PACS2: variants seen among roughly 807,000 people sequenced by gnomAD.
The protein encoded by PACS2 is PACS1-like protein.
PACS2 carries 36 observed loss-of-function variants against 113.0 expected under a neutral mutation model. That is an observed-to-expected ratio of 0.32 (90% CI 0.24 to 0.42). PACS2 has a LOEUF of 0.42. Ranked by LOEUF, PACS2 falls within the 10% of genes least tolerant of loss-of-function variation. PACS2 has a pLI of 1.00. For synonymous variants in PACS2, 589 were observed against 536.1 expected (o/e 1.10, Z -1.36); for missense variants, 1,015 against 1,239.5 (o/e 0.82, Z 2.72).
intron 24 of PACS2, 71 bp downstream of exon 24, chr14:105,393,406 C>T (rs587674736): frequency 1.1e-5 from 11 of 1,028,484 alleles, no homozygotes; most frequent in Non-Finnish European, 1.3e-5. Context: ...GCTTTGGAGC[C>T]CAGCCTAGGA....
At chr14:105,345,133 G>A (rs945916104) in intron 1 of PACS2, among the ~76,000 whole-genome samples, 2 of 150,876 alleles carry the variant, frequency 1.3e-5, no homozygotes, top group Admixed American at 6.6e-5. Flanking sequence ...CTGGCTGGGC[G>A]CAGTGGCTCA....
Position 105,348,372 on chromosome 14 carries a change from T to C in PACS2, c.120-121T>C, listed in dbSNP as rs1383683592. The C allele has an allele frequency of 3.6e-5, 25 of 690,128 alleles. No individual in the cohort carries two copies. In the East Asian group the frequency reaches 5.2e-4, roughly 14 times the overall value. 42.8% of individuals were successfully genotyped at this position (690,128 alleles called of 1,614,324 possible). A position where few individuals can be genotyped will look rare whatever the true frequency, so the allele number is the denominator to read the frequency against. On this transcript the variant is annotated intron_variant, in intron 1 of 24. Transcript: ENST00000447393. This position sits in a 1 kb window ranked among gnomAD's most constrained non-coding sequence, Gnocchi z 6.4. ...TGAGGTCCTGGGGCCGCCCAGGCAG[T>C]CACACCCCGCCCTGCACCCCAGGGT...
At position 105,385,921 on chromosome 14, in the gene PACS2, C is replaced by G. The variant is rs587708125; in HGVS notation, c.2033+204C>G. On this transcript the variant is annotated intron_variant, in intron 19 of 24. Coordinates refer to ENST00000447393, the MANE Select transcript of PACS2 (RefSeq NM_001100913.3). ...CGAGTCACTTTTTGCTGACGTGGAC[C>G]CTTTTCCTCCATCCGATCTCTGACA... is the stretch of plus-strand genomic sequence containing the variant. 1.2e-3 allele frequency among the ~76,000 whole-genome samples: 178 copies of G among 152,302 alleles called. 2 individuals are homozygous for G. The highest frequency in any genetic ancestry group is 1.8e-3 in the Non-Finnish European group (123 of 68,024).
chr14:105,344,934 C>T (rs587743137), intron 1 of PACS2, among the ~76,000 whole-genome samples: 15 of 151,848 alleles, frequency 9.9e-5, no homozygotes, highest in South Asian at 4.2e-4. Context: ...ATGGTGAAAT[C>T]GTGTCTCCAC....
chr14:105,370,115 G>A (rs2061096553), intron 8 of PACS2: 3 of 511,520 alleles, frequency 5.9e-6, no homozygotes, highest in Admixed American at 3.8e-5. Flanking sequence ...AGTAGAAGTC[G>A]TGAATACCCT....
Position 105,369,878 on chromosome 14 carries a change from G to T in PACS2, c.779G>T (p.Arg260Leu). Residue 260 changes from arginine to leucine, a missense_variant, in exon 8 of 25, where the codon CGG becomes CTG. Physicochemically the swap from Arg to Leu is moderately radical, Grantham distance 102. Around this residue, in one of 3 missense-constraint regions of PACS2, gnomAD observed 859 missense variants for 1,056.8 expected, o/e 0.81. Transcript: ENST00000447393. Reference sequence around the variant, plus strand: ...AAGCAGAAAGTGGTAGCGCTGCTGCGGAGGTTCAAAGTGTCCGACGAGGTG... The same window carrying T: ...AAGCAGAAAGTGGTAGCGCTGCTGCTGAGGTTCAAAGTGTCCGACGAGGTG... ...NFKQKVVALL[R>L]RFKVSDEVLD... The T allele has an allele frequency of 6.2e-7, 1 of 1,604,582 alleles. No individual in the cohort carries two copies.
At chr14:105,375,127 C>G (rs188444860) in intron 8 of PACS2, among the ~76,000 whole-genome samples, 1 of 152,204 alleles carries the variant, frequency 6.6e-6, no homozygotes, top group Non-Finnish European at 1.5e-5. Flanking sequence ...GCGCTCTACC[C>G]TGGGCAACAA....
chr14:105,389,197 TC>T (rs1481037950), intron 19 of PACS2: 1 of 152,388 alleles, frequency 6.6e-6, no homozygotes, highest in Non-Finnish European at 1.5e-5. Context: ...GCTCCTGTCC[TC>T]CACCCTTGGC....
At chr14:105,377,689 C>T (rs1488438053) in intron 9 of PACS2, among the ~76,000 whole-genome samples, 4 of 152,252 alleles carry the variant, frequency 2.6e-5, no homozygotes, top group Non-Finnish European at 5.9e-5. Context: ...AGCGGCCTCC[C>T]ACCTCACCTG....
intron 1 of PACS2, among the ~76,000 whole-genome samples, chr14:105,322,094 C>T (rs1000956482): frequency 2.9e-4 from 44 of 151,818 alleles, no homozygotes; most frequent in Middle Eastern, 3.4e-3. Context: ...CCTGCCACCA[C>T]GCCCAGTTAA....
At chr14:105,310,491 C>G (rs888747448), upstream of PACS2, among the ~76,000 whole-genome samples, 3 of 133,112 alleles carry the variant, frequency 2.3e-5, no homozygotes, top group Admixed American at 8.7e-5. Flanking sequence ...GATGGCACCA[C>G]TGCACTCCAG....
In PACS2 at chr14:105,354,079, C is replaced by A. The variant is rs2060335108; in HGVS notation, c.298-973C>A. 6.6e-6 allele frequency among the ~76,000 whole-genome samples: 1 copy of A among 151,792 alleles called. No homozygotes were observed. The highest frequency in any genetic ancestry group is 1.5e-5 in the Non-Finnish European group (1 of 67,926). ...CTCCAGCCTGGGGGACAGAGTGAGA[C>A]TCCATCTCAAAAAAAAGAGAGAATA... On this transcript the variant is annotated intron_variant, in intron 3 of 24. Coordinates refer to ENST00000447393, the MANE Select transcript of PACS2 (RefSeq NM_001100913.3). This position sits in a 1 kb window ranked among gnomAD's most constrained non-coding sequence, Gnocchi z 4.2.
intron 19 of PACS2, among the ~76,000 whole-genome samples, chr14:105,386,283 CGGT>C (rs2081173846): frequency 6.6e-6 from 1 of 152,174 alleles, no homozygotes; most frequent in Non-Finnish European, 1.5e-5. Flanking sequence ...CCTGGTGACA[CGGT>C]GGTCAGCGGC....
intron 21 of PACS2, 132 bp downstream of exon 21, chr14:105,391,381 G>A (rs1555414775): frequency 1.3e-6 from 1 of 741,018 alleles, no homozygotes; most frequent in African/African-American, 1.7e-5. Context: ...TTGCTGTGGT[G>A]CTTCTGTCCT....
chr14:105,375,565 T>C (rs1050784534), intron 8 of PACS2, among the ~76,000 whole-genome samples: 32 of 151,466 alleles, frequency 2.1e-4, no homozygotes, highest in Admixed American at 7.2e-4. Flanking sequence ...TACACGATCA[T>C]CATGATCATT....
intron 1 of PACS2, among the ~76,000 whole-genome samples, chr14:105,342,979 C>T (rs1162502847): frequency 2.0e-5 from 3 of 151,904 alleles, no homozygotes; most frequent in South Asian, 4.2e-4. Context: ...AAAGGTTCAC[C>T]CCTCACACCT....
chr14:105,355,663 A>G lies in PACS2; in HGVS notation c.423+486A>G, dbSNP rs587727675. ...CCCGAGCAGGGCGGGGGCAGCACCC[A>G]GAGGTCAGAGGGGTGGCTGGAGTTC... On this transcript the variant is annotated intron_variant, in intron 4 of 24. Coordinates refer to ENST00000447393, the MANE Select transcript of PACS2 (RefSeq NM_001100913.3). The surrounding 1 kb of genome is among the most constrained non-coding windows in gnomAD (Gnocchi z 4.1). Among the ~76,000 whole-genome samples, 1 of 152,316 alleles carries G rather than the reference A, an allele frequency of 6.6e-6. No homozygotes were observed. The highest frequency in any genetic ancestry group is 6.5e-5 in the Admixed American group (1 of 15,298).
In PACS2 at chr14:105,366,894, C is replaced by T. The variant is rs2060960343; in HGVS notation, c.424-319C>T. 6.6e-6 allele frequency among the ~76,000 whole-genome samples: 1 copy of T among 152,218 alleles called. No individual in the cohort carries two copies. Among genetic ancestry groups the T allele is most frequent in the Non-Finnish European group, 1.5e-5 (1 of 68,038 alleles). ...CGCGGACACCCCTGTCTGTCCATCT[C>T]AGTCCCTCGTGACTGTGCCTGGCAC... On this transcript the variant is annotated intron_variant, in intron 4 of 24. Transcript: ENST00000447393. This position sits in a 1 kb window ranked among gnomAD's most constrained non-coding sequence, Gnocchi z 4.3.
rs113191055 is a variant in PACS2 at position 105,379,600 on chromosome 14, G to A, written c.960-139G>A. Reference sequence around the variant, plus strand: ...GTGCGAGCGGGGTGTGCGCTGACACGGGCTCTTCTCTGGACCCAGCTCTGC... The same window carrying A: ...GTGCGAGCGGGGTGTGCGCTGACACAGGCTCTTCTCTGGACCCAGCTCTGC... On this transcript the variant is annotated intron_variant, in intron 9 of 24. Coordinates refer to ENST00000447393, the MANE Select transcript of PACS2 (RefSeq NM_001100913.3). 9.1e-4 allele frequency: 619 copies of A among 680,094 alleles called. 4 individuals are homozygous for A. In the African/African-American group the frequency reaches 9.5e-3, roughly 10 times the overall value. 42.1% of individuals were successfully genotyped at this position (680,094 alleles called of 1,614,324 possible).
Sources: gnomAD v4.1 joint callset for allele counts (sites outside exome capture counted in the v4.1 genomes callset) on GRCh38, gnomAD v4.1.1 for gene constraint, gnomAD v4.1.1 regional missense constraint, Gnocchi (gnomAD v3.1) non-coding constraint, MANE v1.5 for transcripts, NCBI Gene and HGNC (gene_info 2026-07-23, HGNC 2026-07-21) for gene names.